Variants in CACNA2D1 observed in about 807,000 individuals in gnomAD.
The protein encoded by CACNA2D1 is voltage-dependent calcium channel subunit alpha-2/delta-1.
Under a neutral mutation model 171.5 loss-of-function variants are expected in CACNA2D1, and 53 were observed. That is an observed-to-expected ratio of 0.31 (90% CI 0.25 to 0.39). The LOEUF is 0.39. CACNA2D1 is among the 10% of genes least tolerant of loss of function. The pLI is 1.00. For missense variants in CACNA2D1, 903 were observed against 1,299.8 expected (o/e 0.69, Z 4.69); for synonymous variants, 442 against 443.1 (o/e 1.00, Z 0.03).
chr7:82,345,025 T>G (rs1051009841), intron 2 of CACNA2D1, among the ~76,000 whole-genome samples: 4 of 152,178 alleles, frequency 2.6e-5, no homozygotes, highest in Admixed American at 6.6e-5. Context: ...CGCGTCTTGC[T>G]GATTCCCTAG....
intron 3 of CACNA2D1, among the ~76,000 whole-genome samples, chr7:82,269,624 T>C (rs931198235): frequency 1.3e-5 from 2 of 152,206 alleles, no homozygotes; most frequent in African/African-American, 4.8e-5. Flanking sequence ...CCCACTGCAC[T>C]GTGAGGTCCT....
chr7:82,037,522 C>T (rs1488335723), intron 11 of CACNA2D1, among the ~76,000 whole-genome samples: 5 of 151,882 alleles, frequency 3.3e-5, no homozygotes, highest in Admixed American at 6.6e-5. Flanking sequence ...GCAATAAGCA[C>T]GCCAGTATCT....
chr7:82,118,804 A>T (rs1273880554), intron 5 of CACNA2D1, among the ~76,000 whole-genome samples: 1 of 151,822 alleles, frequency 6.6e-6, no homozygotes, highest in Non-Finnish European at 1.5e-5. Context: ...ATGTATCAAG[A>T]CTCCTTAAGG....
At chr7:82,409,275 T>C (rs892677382) in intron 1 of CACNA2D1, among the ~76,000 whole-genome samples, 1 of 152,164 alleles carries the variant, frequency 6.6e-6, no homozygotes, top group African/African-American at 2.4e-5. Flanking sequence ...TCAATTATGT[T>C]AGTACATTTT....
intron 4 of CACNA2D1, among the ~76,000 whole-genome samples, chr7:82,150,951 T>C (rs1184129899): frequency 2.0e-5 from 3 of 152,162 alleles, no homozygotes; most frequent in Admixed American, 2.0e-4. Context: ...TATGTTTCAT[T>C]ACCCTAGTTT....
At chr7:82,305,688 C>T (rs1304358703) in intron 3 of CACNA2D1, among the ~76,000 whole-genome samples, 1 of 152,142 alleles carries the variant, frequency 6.6e-6, no homozygotes, top group East Asian at 1.9e-4. Context: ...TTCATATTTT[C>T]TATGATGCTC....
intron 21 of CACNA2D1, among the ~76,000 whole-genome samples, chr7:81,985,010 A>G (rs534484321): frequency 2.0e-5 from 3 of 152,220 alleles, no homozygotes; most frequent in African/African-American, 7.2e-5. Flanking sequence ...CTATGTTTCC[A>G]GAAAATTATA....
chr7:82,005,821 C>T lies in CACNA2D1; in HGVS notation c.1459G>A (p.Val487Met). ...TCCAAAGACACATCTACTCCCATCA[C>T]ACCAAGAATCAGCTGGTTCTATAAT... ...TNLKNQLILG[V>M]MGVDVSLEDI... is the part of the protein sequence containing the mutation. The change falls in exon 17 of 39, where the codon GTG becomes ATG. Residue 487 changes from valine (V) to methionine (M), a missense_variant. Coordinates refer to ENST00000356860, the MANE Select transcript of CACNA2D1 (RefSeq NM_000722.4). 2 of 1,605,088 alleles carry T rather than the reference C, an allele frequency of 1.2e-6. No individual in the cohort carries two copies. The highest frequency in any genetic ancestry group is 1.7e-5 in the Admixed American group (1 of 59,984).
At position 82,205,263 on chromosome 7, in the gene CACNA2D1, T is replaced by G. The variant is rs182240786; in HGVS notation, c.295-34654A>C. ...TATAATGATTTAAAGAATATAGATTTATATATGTAACACATAATTATTAAA... is the reference window on the plus strand; with the variant it reads ...TATAATGATTTAAAGAATATAGATTGATATATGTAACACATAATTATTAAA... On this transcript the variant is annotated intron_variant, in intron 3 of 38. Coordinates refer to ENST00000356860, the MANE Select transcript of CACNA2D1 (RefSeq NM_000722.4). Among the ~76,000 whole-genome samples the G allele has an allele frequency of 2.0e-5, 3 of 152,332 alleles. No individual in the cohort carries two copies. In the East Asian group the frequency reaches 5.8e-4, roughly 29 times the overall value.
chr7:82,325,832 C>T (rs552621130), intron 3 of CACNA2D1, among the ~76,000 whole-genome samples: 1 of 152,264 alleles, frequency 6.6e-6, no homozygotes, highest in South Asian at 2.1e-4. Flanking sequence ...TGTTATAACG[C>T]TGATGAGAAA....
chr7:82,137,765 A>G (rs1791837658), intron 4 of CACNA2D1, among the ~76,000 whole-genome samples: 1 of 147,592 alleles, frequency 6.8e-6, no homozygotes, highest in Non-Finnish European at 1.5e-5. Context: ...CTGTAGTCCC[A>G]GCTACTCCGG....
chr7:82,121,711 C>T (rs1420024796), intron 5 of CACNA2D1, among the ~76,000 whole-genome samples: 4 of 151,748 alleles, frequency 2.6e-5, no homozygotes. Flanking sequence ...TGAATCATAA[C>T]AAAAAATAAA....
intron 10 of CACNA2D1, 104 bp from the exon 11 acceptor site, chr7:82,038,339 C>G: frequency 1.0e-6 from 1 of 985,052 alleles, no homozygotes; most frequent in Non-Finnish European, 1.5e-6. Context: ...GCATTGCTTA[C>G]TCTTTCAAAT....
intron 32 of CACNA2D1, 28 bp from the exon 33 acceptor site, chr7:81,964,387 C>T (rs373544416): frequency 2.5e-4 from 397 of 1,601,208 alleles, no homozygotes; most frequent in Non-Finnish European, 3.2e-4. Context: ...CATAAAGCAA[C>T]GTGCACTTAA....
chr7:82,187,929 A>G (rs1453643305), intron 3 of CACNA2D1, among the ~76,000 whole-genome samples: 3 of 152,178 alleles, frequency 2.0e-5, no homozygotes, highest in Admixed American at 2.0e-4. Context: ...AGTAAGATAT[A>G]TCCAAGAAAG....
chr7:82,125,828 G>T (rs1017847851), intron 5 of CACNA2D1, among the ~76,000 whole-genome samples: 2 of 152,062 alleles, frequency 1.3e-5, no homozygotes, highest in African/African-American at 4.8e-5. Flanking sequence ...TTTGTATTTT[G>T]TGCATGCATT....
intron 4 of CACNA2D1, among the ~76,000 whole-genome samples, chr7:82,160,192 T>C (rs1020495938): frequency 1.3e-5 from 2 of 151,814 alleles, no homozygotes; most frequent in Non-Finnish European, 2.9e-5. Flanking sequence ...TCCCAAAATT[T>C]TGAGGAAAAT....
intron 3 of CACNA2D1, among the ~76,000 whole-genome samples, chr7:82,271,349 T>G (rs140258952): frequency 1.4e-3 from 215 of 152,264 alleles, no homozygotes; most frequent in African/African-American, 4.9e-3. Flanking sequence ...CTCCCCTACA[T>G]GCAGTAAATG....
At chr7:82,217,348 T>TA (rs1483455998) in intron 3 of CACNA2D1, among the ~76,000 whole-genome samples, 7 of 58,978 alleles carry the variant, frequency 1.2e-4, no homozygotes, top group Non-Finnish European at 2.6e-4. Context: ...TCCTGCCTTT[T>TA]TAAAAAAAAA....
Sources: gnomAD v4.1 joint callset for allele counts (sites outside exome capture counted in the v4.1 genomes callset) on GRCh38, gnomAD v4.1.1 for gene constraint, MANE v1.5 for transcripts, NCBI Gene and HGNC (gene_info 2026-07-23, HGNC 2026-07-21) for gene names.